The following INSC variants were observed in gnomAD, a reference collection of about 807,000 sequenced individuals.
INSC encodes protein inscuteable homolog.
INSC carries 67 observed loss-of-function variants against 58.6 expected under a neutral mutation model. The observed-to-expected ratio is 1.14, with a 90% CI of 0.94 to 1.40. INSC has a LOEUF of 1.40. Among genes scored for constraint, INSC ranks in the 40% most tolerant of loss-of-function variants. The pLI is 0.00. For missense variants in INSC, 714 were observed against 692.0 expected (o/e 1.03, Z -0.36); for synonymous variants, 262 against 276.1 (o/e 0.95, Z 0.51).
At position 15,141,536 on chromosome 11, in the gene INSC, C is replaced by A. The variant is rs1848371803; in HGVS notation, c.-45-7594C>A. On this transcript the variant is annotated intron_variant, in intron 1 of 12. Coordinates refer to ENST00000379556, the MANE Select transcript of INSC (RefSeq NM_001042536.3). ...TGACAGCTGTGAGGGGCTATTGGGG[C>A]TTCCTCCAGGGAGCTAGAGCTGTCT... Among the ~76,000 whole-genome samples the A allele has an allele frequency of 7.9e-5, 12 of 152,126 alleles. 1 individual carries two copies. The highest frequency in any genetic ancestry group is 7.9e-4 in the Admixed American group (12 of 15,270).
At chr11:15,170,640 A>G (rs897795668) in intron 2 of INSC, among the ~76,000 whole-genome samples, 5 of 152,202 alleles carry the variant, frequency 3.3e-5, no homozygotes, top group African/African-American at 1.2e-4. Flanking sequence ...TCTCCACTGT[A>G]AAGTTTCTTT....
At chr11:15,221,714 GC>G in intron 8 of INSC, 66 bp downstream of exon 8, 1 of 1,449,732 alleles carries the variant, frequency 6.9e-7, no homozygotes, top group Non-Finnish European at 9.3e-7. Flanking sequence ...TTCAGAAATA[GC>G]CAGGAAGGCC....
the INSC span, among the ~76,000 whole-genome samples, chr11:15,257,551 C>T: frequency 6.6e-6 from 1 of 151,812 alleles, no homozygotes; most frequent in Non-Finnish European, 1.5e-5. Flanking sequence ...GAACTCCTAA[C>T]CACCCCCCCG....
At chr11:15,116,370 TG>T (rs1847693966) in intron 1 of INSC, among the ~76,000 whole-genome samples, 1 of 152,228 alleles carries the variant, frequency 6.6e-6, no homozygotes, top group African/African-American at 2.4e-5. Flanking sequence ...TTCTCTTCTT[TG>T]GTTTCGTTCA....
intron 2 of INSC, among the ~76,000 whole-genome samples, chr11:15,163,595 T>C (rs1412028110): frequency 6.6e-6 from 1 of 152,220 alleles, no homozygotes; most frequent in Non-Finnish European, 1.5e-5. Context: ...TTTACTTATG[T>C]ATTTATTTTT....
At chr11:15,113,586 C>G (rs151014544), upstream of INSC, among the ~76,000 whole-genome samples, 2 of 152,190 alleles carry the variant, frequency 1.3e-5, no homozygotes, top group African/African-American at 4.8e-5. Context: ...CTGTCCCCAG[C>G]CCTAGACAGC....
intron 7 of INSC, among the ~76,000 whole-genome samples, chr11:15,211,632 C>T (rs900259179): frequency 2.6e-5 from 4 of 152,038 alleles, no homozygotes; most frequent in African/African-American, 9.7e-5. Flanking sequence ...AAAATATTCT[C>T]CTAATTTTCT....
intron 1 of INSC, among the ~76,000 whole-genome samples, chr11:15,138,945 C>T (rs1848308429): frequency 6.6e-6 from 1 of 152,128 alleles, no homozygotes; most frequent in Non-Finnish European, 1.5e-5. Context: ...ATTGAGCAAA[C>T]TCCAATTTAG....
chr11:15,236,183 A>T (rs2133970253), intron 10 of INSC, among the ~76,000 whole-genome samples: 1 of 152,182 alleles, frequency 6.6e-6, no homozygotes, highest in Non-Finnish European at 1.5e-5. Context: ...TGAGGCCTAA[A>T]TTCTAGTGGA....
intron 1 of INSC, among the ~76,000 whole-genome samples, chr11:15,147,290 A>G (rs1244195343): frequency 6.6e-6 from 1 of 152,146 alleles, no homozygotes; most frequent in East Asian, 1.9e-4. Context: ...AATGACAGTA[A>G]TGATGGAAAT....
At chr11:15,132,783 A>G (rs994485418) in intron 1 of INSC, among the ~76,000 whole-genome samples, 3 of 152,236 alleles carry the variant, frequency 2.0e-5, no homozygotes, top group Non-Finnish European at 4.4e-5. Context: ...TATTCTTGAA[A>G]GATAATTTCT....
At chr11:15,154,054 A>C (rs558761616) in intron 2 of INSC, among the ~76,000 whole-genome samples, 39 of 141,632 alleles carry the variant, frequency 2.8e-4, no homozygotes, top group African/African-American at 9.8e-4. Flanking sequence ...CCAAGAACTT[A>C]CTTTGAGCCA....
chr11:15,175,938 G>A lies in INSC; in HGVS notation c.254G>A (p.Ser85Asn), dbSNP rs1849558159. 3.1e-6 allele frequency: 5 copies of A among 1,614,052 alleles called. No individual in the cohort carries two copies. Among genetic ancestry groups the A allele is most frequent in the African/African-American group, 1.3e-5 (1 of 74,942 alleles). Residue 85 changes from serine to asparagine, a missense_variant, in exon 3 of 13, where the codon AGC becomes AAC. Ser to Asn is a conservative substitution (Grantham distance 46, BLOSUM62 1). Coordinates refer to ENST00000379556, the MANE Select transcript of INSC (RefSeq NM_001042536.3). Reference sequence around the variant, plus strand: ...CTGCTCAAACGGGGTTGGGTCATTAGCACAGAGCTGCGCAGGATCGGGCAG... The same window carrying A: ...CTGCTCAAACGGGGTTGGGTCATTAACACAGAGCTGCGCAGGATCGGGCAG... Reference protein sequence around the residue: ...QLLLKRGWVISTELRRIGQKL... With the variant: ...QLLLKRGWVINTELRRIGQKL...
At chr11:15,115,847 A>C (rs1314907181) in intron 1 of INSC, among the ~76,000 whole-genome samples, 26 of 152,190 alleles carry the variant, frequency 1.7e-4, no homozygotes, top group Non-Finnish European at 2.9e-5. Context: ...TGTATGCAAC[A>C]TGCACCCACT....
chr11:15,268,457 G>A, the INSC span, among the ~76,000 whole-genome samples: 4 of 151,978 alleles, frequency 2.6e-5, no homozygotes, highest in East Asian at 1.9e-4. Flanking sequence ...TATGATTCTC[G>A]ATCAGTGAAG....
At chr11:15,185,561 A>T (rs1208128441) in intron 5 of INSC, among the ~76,000 whole-genome samples, 3 of 152,138 alleles carry the variant, frequency 2.0e-5, no homozygotes, top group Non-Finnish European at 4.4e-5. Flanking sequence ...AACAGGAAAT[A>T]ACATTTCAAA....
chr11:15,113,119 C>CTCTCTT (rs1554899334), upstream of INSC, among the ~76,000 whole-genome samples: 9 of 73,286 alleles, frequency 1.2e-4, no homozygotes, highest in African/African-American at 3.4e-4. Context: ...TTCTCTCTCT[C>CTCTCTT]TCTTTCTTTC....
chr11:15,112,281 T>A, upstream of INSC: 1 of 461,582 alleles, frequency 2.2e-6, no homozygotes, highest in Non-Finnish European at 3.8e-6. Context: ...GGGGAGGGGG[T>A]CGAGGGGGAG....
intron 2 of INSC, among the ~76,000 whole-genome samples, chr11:15,169,382 G>A (rs569506907): frequency 6.6e-6 from 1 of 152,286 alleles, no homozygotes; most frequent in African/African-American, 2.4e-5. Flanking sequence ...CCACTTCCCA[G>A]TTCTTTGAGG....
Sources: gnomAD v4.1 joint callset for allele counts (sites outside exome capture counted in the v4.1 genomes callset) on GRCh38, gnomAD v4.1.1 for gene constraint, MANE v1.5 for transcripts, NCBI Gene and HGNC (gene_info 2026-07-23, HGNC 2026-07-21) for gene names.